The following LIPI variants were observed in gnomAD, a reference collection of about 807,000 sequenced individuals.
The protein encoded by LIPI is lipase I, also known as lipase member I.
LIPI carries 59 observed loss-of-function variants against 50.6 expected under a neutral mutation model. The ratio of observed to expected loss-of-function variants is 1.16; its 90% CI spans 0.94 to 1.45. LIPI has a LOEUF of 1.45. Among genes scored for constraint, LIPI ranks in the 40% most tolerant of loss-of-function variants. The pLI is 0.00. For synonymous variants in LIPI, 203 were observed against 178.2 expected (o/e 1.14, Z -1.11); for missense variants, 586 against 536.3 (o/e 1.09, Z -0.92).
chr21:14,144,658 C>A lies in LIPI; in HGVS notation c.1260G>T (p.Gln420His). ...ATGTAAGTGATTTTAACATGAGACT[C>A]TGGATCTTGTATGTGCATGTGGAAC... ...LQCSTCTYKI[Q>H]SLMLKSLTYP... Residue 420 changes from glutamine (Q) to histidine (H), a missense_variant, in exon 9 of 10, where the codon CAG (glutamine) becomes CAT (histidine). Transcript: ENST00000681601. The A allele has an allele frequency of 6.3e-7, 1 of 1,580,200 alleles. No homozygotes were observed. Among genetic ancestry groups the A allele is most frequent in the Non-Finnish European group, 8.7e-7 (1 of 1,150,738 alleles).
chr21:14,126,046 G>C (rs377287910), intron 9 of LIPI, among the ~76,000 whole-genome samples: 1 of 152,048 alleles, frequency 6.6e-6, no homozygotes, highest in Non-Finnish European at 1.5e-5. Context: ...AAAAAGGCTG[G>C]TGAAGGTGCA....
At chr21:14,184,243 G>A (rs571891015) in intron 3 of LIPI, among the ~76,000 whole-genome samples, 7 of 152,028 alleles carry the variant, frequency 4.6e-5, no homozygotes, top group Admixed American at 3.9e-4. Context: ...ACCAAACACC[G>A]CATGTTCTCA....
intron 8 of LIPI, among the ~76,000 whole-genome samples, chr21:14,150,240 T>C (rs1265240817): frequency 6.6e-6 from 1 of 152,144 alleles, no homozygotes; most frequent in Non-Finnish European, 1.5e-5. Context: ...CTCAACCTGG[T>C]CCAATCCTTG....
At chr21:14,160,085 T>C (rs1001196759) in intron 7 of LIPI, among the ~76,000 whole-genome samples, 1 of 151,420 alleles carries the variant, frequency 6.6e-6, no homozygotes, top group African/African-American at 2.4e-5. Context: ...ATGTAATTTC[T>C]GTTGAAACCT....
intron 1 of LIPI, among the ~76,000 whole-genome samples, chr21:14,191,622 G>A (rs2019680618): frequency 6.6e-6 from 1 of 152,012 alleles, no homozygotes; most frequent in African/African-American, 2.4e-5. Context: ...AAAATAGGTT[G>A]GTGTGTTATA....
At position 14,166,494 on chromosome 21, in the gene LIPI, AG is replaced by A. The variant is rs770351515; in HGVS notation, c.644-44del. ...CAAGAATCACAACATGTATATAATC[AG>A]GTGAGTATCTTGCATAAAACAAAAT... On this transcript the variant is annotated intron_variant, in intron 4 of 9. Coordinates refer to ENST00000681601, the MANE Select transcript of LIPI (RefSeq NM_001302998.2). 4 of 999,588 alleles carry A rather than the reference AG, an allele frequency of 4.0e-6. No homozygotes were observed. The Admixed American group carries it at 6.8e-5, about 17-fold the overall frequency. 61.9% of individuals were successfully genotyped at this position (999,588 alleles called of 1,614,324 possible).
Position 14,167,629 on chromosome 21 carries a change from C to A in LIPI, c.644-1178G>T, listed in dbSNP as rs183659154. Reference sequence around the variant, plus strand: ...GAGTCTGGAGTGGACCTCTAGCAAACTCCAACAGACCTGCAGCTGAGGGTC... The same window carrying A: ...GAGTCTGGAGTGGACCTCTAGCAAAATCCAACAGACCTGCAGCTGAGGGTC... On this transcript the variant is annotated intron_variant, in intron 4 of 9. Transcript: ENST00000681601. Among the ~76,000 whole-genome samples the A allele has an allele frequency of 4.5e-3, 690 of 152,310 alleles. 3 individuals carry two copies. Among genetic ancestry groups the A allele is most frequent in the African/African-American group, 0.015 (637 of 41,576 alleles).
At chr21:14,170,841 C>T (rs2018871543) in intron 4 of LIPI, among the ~76,000 whole-genome samples, 1 of 151,518 alleles carries the variant, frequency 6.6e-6, no homozygotes, top group Non-Finnish European at 1.5e-5. Flanking sequence ...TCCTATTCAA[C>T]ATAGTGTTGG....
intron 9 of LIPI, among the ~76,000 whole-genome samples, chr21:14,140,518 G>A (rs970928254): frequency 6.6e-6 from 1 of 151,922 alleles, no homozygotes; most frequent in African/African-American, 2.4e-5. Context: ...GTAGGCAACC[G>A]TAATATTTTT....
intron 1 of LIPI, among the ~76,000 whole-genome samples, chr21:14,199,406 T>C (rs143200096): frequency 3.3e-4 from 49 of 150,756 alleles, no homozygotes; most frequent in African/African-American, 1.1e-3. Context: ...GTAACAAGGG[T>C]TATATTACTA....
chr21:14,206,864 C>T (rs747243862), intron 1 of LIPI: 11 of 1,612,680 alleles, frequency 6.8e-6, no homozygotes, highest in Non-Finnish European at 9.3e-6. Context: ...TGGGTGAGAA[C>T]TGAAAAGCAT....
At chr21:14,149,180 C>G (rs371579110) in intron 8 of LIPI, among the ~76,000 whole-genome samples, 3 of 152,262 alleles carry the variant, frequency 2.0e-5, no homozygotes, top group East Asian at 3.9e-4. Flanking sequence ...AACTTACAAA[C>G]ATGGCAGAAG....
rs184066820 is a variant in LIPI at position 14,209,997 on chromosome 21, A to G, written c.46+803T>C. On this transcript the variant is annotated intron_variant, in intron 1 of 9. Transcript: ENST00000681601. ...AATTTATGGTTATCTCAAATAGCCA[A>G]TTGAAAACATAAGAAATAATGGTAA... Among the ~76,000 whole-genome samples, 673 of 152,146 alleles carry G rather than the reference A, an allele frequency of 4.4e-3. 6 individuals carry two copies. The highest frequency in any genetic ancestry group is 0.016 in the African/African-American group (652 of 41,564).
At chr21:14,174,979 AGT>A (rs900048909) in intron 4 of LIPI, among the ~76,000 whole-genome samples, 4 of 152,182 alleles carry the variant, frequency 2.6e-5, no homozygotes, top group African/African-American at 9.7e-5. Flanking sequence ...TTAGATTATT[AGT>A]ATGTTTGTGC....
chr21:14,116,422 G>T (rs561510179), intron 9 of LIPI, among the ~76,000 whole-genome samples: 2 of 152,274 alleles, frequency 1.3e-5, no homozygotes, highest in East Asian at 3.9e-4. Flanking sequence ...GACCCGGTCT[G>T]GTGAATCTGA....
chr21:14,155,134 G>A (rs2018229538), intron 7 of LIPI, among the ~76,000 whole-genome samples: 1 of 151,932 alleles, frequency 6.6e-6, no homozygotes, highest in South Asian at 2.1e-4. Context: ...AGAAACAAAG[G>A]TGGCTCCATC....
Position 14,144,787 on chromosome 21 carries a change from TG to T in LIPI, c.1130del (p.Pro377HisfsTer19). 2 of 1,570,706 alleles carry T rather than the reference TG, an allele frequency of 1.3e-6. No individual in the cohort carries two copies. Among genetic ancestry groups the T allele is most frequent in the Non-Finnish European group, 8.8e-7 (1 of 1,142,128 alleles). On this transcript the variant is annotated frameshift_variant, in exon 9 of 10. Coordinates refer to ENST00000681601, the MANE Select transcript of LIPI (RefSeq NM_001302998.2). LOFTEE classifies it high-confidence loss of function. ...EEPRLYEKNK[P>X]FYKLQEVKIL... ...TCTTGACTTCTTGAAGTTTATAAAATGGTTTGTTCTTTCTAGAGAGAAAATT... is the reference window on the plus strand; with the variant it reads ...TCTTGACTTCTTGAAGTTTATAAAATGTTTGTTCTTTCTAGAGAGAAAATT...
chr21:14,204,590 C>T (rs565033784), intron 1 of LIPI, among the ~76,000 whole-genome samples: 1 of 151,824 alleles, frequency 6.6e-6, no homozygotes, highest in African/African-American at 2.4e-5. Flanking sequence ...ATTATGTTCA[C>T]ATAATAAACC....
chr21:14,128,043 A>T (rs888079024), intron 9 of LIPI, among the ~76,000 whole-genome samples: 1 of 152,136 alleles, frequency 6.6e-6, no homozygotes, highest in African/African-American at 2.4e-5. Context: ...ATGATATAAC[A>T]TAGAACCAAT....
Sources: gnomAD v4.1 joint callset for allele counts (sites outside exome capture counted in the v4.1 genomes callset) on GRCh38, gnomAD v4.1.1 for gene constraint, MANE v1.5 for transcripts, NCBI Gene and HGNC (gene_info 2026-07-23, HGNC 2026-07-21) for gene names.